Variants in NAALADL2 observed in about 807,000 individuals in gnomAD.
The protein encoded by NAALADL2 is N-acetylated alpha-linked acidic dipeptidase like 2, also known as inactive N-acetylated-alpha-linked acidic dipeptidase-like protein 2.
In NAALADL2, 76 loss-of-function variants were observed where a neutral mutation model predicts 87.2. The observed-to-expected ratio is 0.87, with a 90% confidence interval of 0.72 to 1.05. The LOEUF (loss-of-function observed/expected upper bound fraction) is 1.05. NAALADL2 is among the 50% of genes least tolerant of loss of function. The pLI is 0.00. For missense variants in NAALADL2, 1,089 were observed against 945.8 expected (o/e 1.15, Z -1.99); for synonymous variants, 354 against 331.0 (o/e 1.07, Z -0.75).
chr3:174,901,855 T>C (rs1732349251), intron 1 of NAALADL2, among the ~76,000 whole-genome samples: 1 of 152,224 alleles, frequency 6.6e-6, no homozygotes, highest in Non-Finnish European at 1.5e-5. Context: ...CATATATGCA[T>C]GGGCTTTATG....
At chr3:175,223,118 G>GTGTA (rs781352678) in intron 2 of NAALADL2, among the ~76,000 whole-genome samples, 2 of 151,830 alleles carry the variant, frequency 1.3e-5, no homozygotes, top group Non-Finnish European at 2.9e-5. Flanking sequence ...GTGTGTGTGT[G>GTGTA]TGTGTGTGTG....
chr3:174,561,090 T>C (rs996964322), intron 2 of NAALADL2, among the ~76,000 whole-genome samples: 12 of 151,938 alleles, frequency 7.9e-5, no homozygotes, highest in Non-Finnish European at 1.8e-4. Flanking sequence ...GAATACAGAA[T>C]GGGTAAGCGG....
chr3:175,296,670 T>G (rs1756428335), intron 4 of NAALADL2, among the ~76,000 whole-genome samples: 2 of 152,140 alleles, frequency 1.3e-5, no homozygotes, highest in South Asian at 4.1e-4. Context: ...AACGGCCATA[T>G]CCAAACCTTA....
chr3:174,853,088 G>C (rs1406324266), intron 3 of NAALADL2, among the ~76,000 whole-genome samples: 1 of 151,380 alleles, frequency 6.6e-6, no homozygotes, highest in African/African-American at 2.4e-5. Flanking sequence ...ACATCTGGCA[G>C]GGTGCAGTGG....
Position 174,787,607 on chromosome 3 carries a change from A to ATATATATATATATATATACG in NAALADL2, c.-9+49875_-9+49876insTATACGTATATATATATATA, listed in dbSNP as rs1354289850. 1.6e-4 allele frequency among the ~76,000 whole-genome samples: 17 copies of ATATATATATATATATATACG among 109,470 alleles called. 1 individual carries two copies. The highest frequency in any genetic ancestry group is 8.8e-4 in the South Asian group (3 of 3,408). The allele number at this position is 109,470 out of a possible 152,430, so 71.8% of individuals were successfully genotyped here. ...TATATATATATATATATATATATAT[A>ATATATATATATATATATACG]TATATATATATATAGTAGTGACTCT... On this transcript the variant is annotated intron_variant, in intron 3 of 3. Coordinates refer to the NAALADL2 transcript ENST00000434257.
chr3:174,506,230 G>A (rs988588141), intron 1 of NAALADL2, among the ~76,000 whole-genome samples: 1 of 150,498 alleles, frequency 6.6e-6, no homozygotes, highest in Non-Finnish European at 1.5e-5. Flanking sequence ...TCCCAGGCTG[G>A]AGTGCAGTGG....
At chr3:174,697,614 A>T (rs1378197732) in intron 2 of NAALADL2, among the ~76,000 whole-genome samples, 1 of 152,194 alleles carries the variant, frequency 6.6e-6, no homozygotes, top group African/African-American at 2.4e-5. Context: ...GAACTGAGGC[A>T]GGTATGAGGG....
intron 3 of NAALADL2, among the ~76,000 whole-genome samples, chr3:174,841,826 TG>T (rs1227288523): frequency 2.0e-5 from 3 of 152,212 alleles, no homozygotes; most frequent in Non-Finnish European, 4.4e-5. Flanking sequence ...ATTCCCAAAT[TG>T]GTAAATTCAT....
chr3:175,796,428 G>C (rs1753505259), intron 13 of NAALADL2, among the ~76,000 whole-genome samples: 1 of 152,196 alleles, frequency 6.6e-6, no homozygotes, highest in Admixed American at 6.5e-5. Flanking sequence ...TGAGTTTATG[G>C]CTTAACAATA....
chr3:174,634,188 G>T (rs1722412420), intron 2 of NAALADL2, among the ~76,000 whole-genome samples: 1 of 152,034 alleles, frequency 6.6e-6, no homozygotes, highest in South Asian at 2.1e-4. Context: ...GTTATATAAG[G>T]AACCTAGAAA....
At chr3:174,512,735 A>G (rs558236747) in intron 1 of NAALADL2, among the ~76,000 whole-genome samples, 1 of 152,038 alleles carries the variant, frequency 6.6e-6, no homozygotes, top group South Asian at 2.1e-4. Context: ...TTTCTCTGCT[A>G]CCTCTTGGAG....
At chr3:174,499,179 GC>G (rs1335180555) in intron 1 of NAALADL2, among the ~76,000 whole-genome samples, 1 of 151,966 alleles carries the variant, frequency 6.6e-6, no homozygotes, top group Non-Finnish European at 1.5e-5. Flanking sequence ...TGGAACATGT[GC>G]TCCCTGGATA....
At chr3:175,148,832 T>C (rs1342810290) in intron 2 of NAALADL2, among the ~76,000 whole-genome samples, 3 of 152,210 alleles carry the variant, frequency 2.0e-5, no homozygotes, top group African/African-American at 7.2e-5. Flanking sequence ...CCATTCTGTT[T>C]TGTTTGCTGT....
chr3:174,961,025 A>T (rs1741901125), intron 1 of NAALADL2, among the ~76,000 whole-genome samples: 1 of 142,618 alleles, frequency 7.0e-6, no homozygotes, highest in Non-Finnish European at 1.6e-5. Flanking sequence ...CTACAGAACA[A>T]GACCTTGTTT....
At chr3:175,151,221 T>C (rs1470216747) in intron 2 of NAALADL2, among the ~76,000 whole-genome samples, 1 of 152,188 alleles carries the variant, frequency 6.6e-6, no homozygotes, top group African/African-American at 2.4e-5. Flanking sequence ...CCGCATATCA[T>C]GTGATCAACA....
At chr3:175,417,832 A>G (rs142272906) in intron 5 of NAALADL2, among the ~76,000 whole-genome samples, 6 of 152,298 alleles carry the variant, frequency 3.9e-5, no homozygotes, top group African/African-American at 1.2e-4. Context: ...TGACGTGACA[A>G]AAATATTAAA....
intron 12 of NAALADL2, among the ~76,000 whole-genome samples, chr3:175,752,389 A>C (rs1449586737): frequency 2.6e-5 from 4 of 152,124 alleles, no homozygotes; most frequent in African/African-American, 9.7e-5. Flanking sequence ...CTGATATTCT[A>C]GTAGGGATCC....
intron 3 of NAALADL2, among the ~76,000 whole-genome samples, chr3:174,848,420 A>G (rs944613881): frequency 6.6e-6 from 1 of 152,162 alleles, no homozygotes; most frequent in African/African-American, 2.4e-5. Flanking sequence ...TCTTTTGCCA[A>G]CTTTCTTTTT....
intron 1 of NAALADL2, among the ~76,000 whole-genome samples, chr3:174,859,893 G>T (rs1163281297): frequency 6.6e-6 from 1 of 151,998 alleles, no homozygotes; most frequent in Non-Finnish European, 1.5e-5. Context: ...CAGTTTCCCT[G>T]TAATTAATAT....
Sources: gnomAD v4.1 joint callset for allele counts (sites outside exome capture counted in the v4.1 genomes callset) on GRCh38, gnomAD v4.1.1 for gene constraint, MANE v1.5 for transcripts, NCBI Gene and HGNC (gene_info 2026-07-23, HGNC 2026-07-21) for gene names.